The following PTPRK variants were observed in gnomAD, a reference collection of about 807,000 sequenced individuals.
The protein encoded by PTPRK is protein tyrosine phosphatase receptor type K.
Under a neutral mutation model 178.0 loss-of-function variants are expected in PTPRK, and 75 were observed. The observed-to-expected ratio is 0.42, with a 90% CI of 0.35 to 0.51. PTPRK has a LOEUF of 0.51. Ranked by LOEUF, PTPRK falls within the 20% of genes least tolerant of loss-of-function variation. The probability of loss-of-function intolerance (pLI) is 0.02; values close to 1 mark genes in which losing one functional copy is unlikely to be tolerated. For synonymous variants in PTPRK, 637 were observed against 620.6 expected (o/e 1.03, Z -0.39); for missense variants, 1,441 against 1,797.8 (o/e 0.80, Z 3.59).
intron 2 of PTPRK, among the ~76,000 whole-genome samples, chr6:128,387,444 C>T (rs1025763305): frequency 3.9e-5 from 6 of 152,144 alleles, no homozygotes; most frequent in Admixed American, 2.0e-4. Context: ...CATGGTTTCA[C>T]TTTGATTGTC....
intron 1 of PTPRK, among the ~76,000 whole-genome samples, chr6:128,473,555 C>T (rs185677577): frequency 3.3e-4 from 50 of 151,900 alleles, no homozygotes; most frequent in Non-Finnish European, 1.5e-5. Context: ...TCAATATTTA[C>T]TATTATGGAT....
chr6:128,407,976 CACTT>C (rs1436304683), intron 1 of PTPRK, among the ~76,000 whole-genome samples: 1 of 152,170 alleles, frequency 6.6e-6, no homozygotes, highest in Admixed American at 6.6e-5. Flanking sequence ...TTTCATGACT[CACTT>C]CTCATCTCAA....
At chr6:128,502,855 G>A (rs2128438332) in intron 1 of PTPRK, among the ~76,000 whole-genome samples, 1 of 152,068 alleles carries the variant, frequency 6.6e-6, no homozygotes, top group African/African-American at 2.4e-5. Context: ...TCCTAATTTT[G>A]TGTTCAGTGA....
chr6:128,383,249 G>A (rs977246433), intron 2 of PTPRK, among the ~76,000 whole-genome samples: 1 of 151,978 alleles, frequency 6.6e-6, no homozygotes, highest in Admixed American at 6.6e-5. Context: ...ACTATAAGAC[G>A]TAACATGAAA....
intron 21 of PTPRK, among the ~76,000 whole-genome samples, chr6:127,989,280 T>C (rs1331744915): frequency 6.6e-6 from 1 of 152,142 alleles, no homozygotes; most frequent in Non-Finnish European, 1.5e-5. Flanking sequence ...TTCTGAAATC[T>C]CCCATATCAA....
intron 5 of PTPRK, chr6:128,235,724 T>C (rs1416832358): frequency 1.9e-5 from 7 of 366,802 alleles, no homozygotes; most frequent in African/African-American, 1.5e-4. Flanking sequence ...TGTGTGTTTC[T>C]GACATCCCAA....
intron 4 of PTPRK, among the ~76,000 whole-genome samples, chr6:128,241,882 A>G (rs377719170): frequency 6.0e-5 from 9 of 150,584 alleles, no homozygotes; most frequent in African/African-American, 2.2e-4. Flanking sequence ...CCCAGGTTCA[A>G]GTGATTGTCC....
intron 2 of PTPRK, among the ~76,000 whole-genome samples, chr6:128,329,661 G>T (rs78406656): frequency 0.011 from 1,695 of 152,162 alleles, 31 homozygotes; most frequent in African/African-American, 0.039. Context: ...GACACAGAGG[G>T]ATTTCTTACT....
At chr6:128,391,849 G>A (rs965377462) in intron 2 of PTPRK, among the ~76,000 whole-genome samples, 2 of 151,740 alleles carry the variant, frequency 1.3e-5, no homozygotes, top group African/African-American at 4.8e-5. Flanking sequence ...AAAACTAAGA[G>A]ACTCATATCA....
intron 6 of PTPRK, among the ~76,000 whole-genome samples, chr6:128,209,188 T>C (rs1328645358): frequency 6.6e-6 from 1 of 152,144 alleles, no homozygotes; most frequent in Admixed American, 6.6e-5. Flanking sequence ...TCTGGTATCC[T>C]GGTTTTCTGA....
chr6:128,125,148 A>T (rs2114422177), intron 7 of PTPRK, among the ~76,000 whole-genome samples: 1 of 152,314 alleles, frequency 6.6e-6, no homozygotes, highest in Admixed American at 6.5e-5. Context: ...GCCTTTTAAA[A>T]AATGTCATGT....
chr6:128,500,910 G>T (rs1338947753), intron 1 of PTPRK: 1 of 152,032 alleles, frequency 6.6e-6, no homozygotes, highest in Admixed American at 6.6e-5. Flanking sequence ...CAGGTAGGCT[G>T]GGACTAGCCC....
At chr6:128,020,862 G>A (rs1330699983) in intron 13 of PTPRK, among the ~76,000 whole-genome samples, 1 of 152,048 alleles carries the variant, frequency 6.6e-6, no homozygotes, top group East Asian at 1.9e-4. Flanking sequence ...TTCCACCAAG[G>A]CTTCGATAAT....
intron 1 of PTPRK, chr6:128,491,643 C>T: frequency 2.4e-6 from 1 of 413,684 alleles, no homozygotes; most frequent in Non-Finnish European, 4.9e-6. Flanking sequence ...TTAATTTAGA[C>T]AGGCTCAGGC....
intron 8 of PTPRK, among the ~76,000 whole-genome samples, chr6:128,084,717 A>G (rs1313175319): frequency 6.6e-6 from 1 of 152,216 alleles, no homozygotes; most frequent in African/African-American, 2.4e-5. Flanking sequence ...TTCCTTTTAT[A>G]TATTTTATTT....
intron 2 of PTPRK, among the ~76,000 whole-genome samples, chr6:128,363,003 A>G (rs1458943015): frequency 6.6e-6 from 1 of 152,186 alleles, no homozygotes; most frequent in Non-Finnish European, 1.5e-5. Flanking sequence ...CACGGTAGGA[A>G]GAAAAAGAAT....
intron 13 of PTPRK, among the ~76,000 whole-genome samples, chr6:128,017,031 T>C (rs1314821338): frequency 1.3e-5 from 2 of 151,998 alleles, no homozygotes; most frequent in Non-Finnish European, 2.9e-5. Context: ...GCCTAGTTCT[T>C]TTCTTCTTGA....
In PTPRK at chr6:128,191,723, C is replaced by T. The variant is rs191721452; in HGVS notation, c.869-6998G>A. ...TAATCATAACTTAATAAATCTGAAGCGAAAAAAAAAATCTCTAGTCCAAAA... is the reference window on the plus strand; with the variant it reads ...TAATCATAACTTAATAAATCTGAAGTGAAAAAAAAAATCTCTAGTCCAAAA... On this transcript the variant is annotated intron_variant, in intron 6 of 29. Coordinates refer to ENST00000368226, the MANE Select transcript of PTPRK (RefSeq NM_002844.4). Among the ~76,000 whole-genome samples the T allele has an allele frequency of 2.9e-3, 428 of 145,316 alleles. 3 individuals carry two copies. The highest frequency in any genetic ancestry group is 0.01 in the African/African-American group (399 of 38,334).
intron 5 of PTPRK, among the ~76,000 whole-genome samples, chr6:128,223,459 G>A (rs1214385548): frequency 6.6e-6 from 1 of 151,558 alleles, no homozygotes; most frequent in African/African-American, 2.4e-5. Context: ...ACTCATCCAG[G>A]CAAGATATCA....
Sources: allele counts gnomAD v4.1 joint callset (sites outside exome capture counted in the v4.1 genomes callset), GRCh38; gene constraint gnomAD v4.1.1; transcripts MANE v1.5; gene names NCBI Gene and HGNC (gene_info 2026-07-23, HGNC 2026-07-21).